RNF38: variants seen among roughly 807,000 people sequenced by gnomAD.
The protein encoded by RNF38 is ring finger protein 38.
Under a neutral mutation model 67.2 loss-of-function variants are expected in RNF38, and 15 were observed. The observed-to-expected ratio is 0.22, with a 90% CI of 0.15 to 0.34. The LOEUF is 0.34. Ranked by LOEUF, RNF38 falls within the 10% of genes least tolerant of loss-of-function variation. The probability of loss-of-function intolerance (pLI) is 1.00; values close to 1 mark genes in which losing one functional copy is unlikely to be tolerated. For missense variants in RNF38, 524 were observed against 639.9 expected, an observed-to-expected ratio of 0.82 and a Z score of 1.95; for synonymous variants, 220 against 218.8, an observed-to-expected ratio of 1.01 and a Z score of -0.05.
intron 1 of RNF38, among the ~76,000 whole-genome samples, chr9:36,395,326 CCTTT>C (rs1837434079): frequency 1.3e-5 from 2 of 151,818 alleles, no homozygotes; most frequent in Non-Finnish European, 2.9e-5. Context: ...TCGTTCATTT[CCTTT>C]TTTTTTTTTC....
At chr9:36,449,210 A>G (rs1308331684) in intron 1 of RNF38, among the ~76,000 whole-genome samples, 3 of 152,170 alleles carry the variant, frequency 2.0e-5, no homozygotes, top group Non-Finnish European at 2.9e-5. Context: ...AGGCAGGAGG[A>G]TATCAAGGCA....
chr9:36,400,831 GC>G, upstream of RNF38: 6 of 970,266 alleles, frequency 6.2e-6, no homozygotes, highest in Non-Finnish European at 7.3e-6. Context: ...CCGCCCCCAC[GC>G]CCCAACCGAC....
chr9:36,407,834 C>G (rs752365969), intron 2 of RNF38, among the ~76,000 whole-genome samples: 1 of 152,162 alleles, frequency 6.6e-6, no homozygotes, highest in African/African-American at 2.4e-5. Flanking sequence ...ACATACAGAT[C>G]TAGGTTATTC....
In RNF38 at chr9:36,369,721, G is replaced by T; in HGVS notation, c.568C>A (p.Gln190Lys). 6.2e-7 allele frequency: 1 copy of T among 1,606,214 alleles called. No homozygotes were observed. Among genetic ancestry groups the T allele is most frequent in the Non-Finnish European group, 8.5e-7 (1 of 1,175,214 alleles). The change falls in exon 4 of 12, where the codon CAG (glutamine) becomes AAG (lysine). Residue 190 changes from glutamine (Q) to lysine (K), a missense_variant and splice_region_variant. Around this residue, in one of 2 missense-constraint regions of RNF38, gnomAD observed 461 missense variants for 517.4 expected, o/e 0.89. Coordinates refer to ENST00000259605, the MANE Select transcript of RNF38 (RefSeq NM_022781.5). ...TCCAAGACATTCTGTTATTGTACCT[G>T]ATCATGTATGTCAACCATGACTGCA... ...QNAVMVDIHD[Q>K]LHQGTVPVSY...
intron 1 of RNF38, among the ~76,000 whole-genome samples, chr9:36,468,241 TA>T (rs201229836): frequency 2.5e-3 from 328 of 132,574 alleles, no homozygotes; most frequent in Admixed American, 3.7e-3. Flanking sequence ...TGTTCTGTCT[TA>T]AAAAAAAAAA....
chr9:36,395,362 GAT>G (rs1837439138), intron 1 of RNF38, among the ~76,000 whole-genome samples: 1 of 151,690 alleles, frequency 6.6e-6, no homozygotes, highest in African/African-American at 2.4e-5. Context: ...TGAGAGAGAG[GAT>G]ACAGGTACAT....
intron 2 of RNF38, among the ~76,000 whole-genome samples, chr9:36,410,130 G>A (rs904664867): frequency 2.6e-5 from 4 of 152,132 alleles, no homozygotes; most frequent in African/African-American, 9.7e-5. Flanking sequence ...AAAGCAAAGT[G>A]AGAATCTACT....
intron 2 of RNF38, among the ~76,000 whole-genome samples, chr9:36,381,698 C>T (rs965283102): frequency 6.6e-6 from 1 of 152,202 alleles, no homozygotes; most frequent in African/African-American, 2.4e-5. Flanking sequence ...CACCTAAAAT[C>T]TTTAAGTCCT....
chr9:36,419,684 G>A (rs1247034208), intron 2 of RNF38, among the ~76,000 whole-genome samples: 1 of 152,172 alleles, frequency 6.6e-6, no homozygotes, highest in Non-Finnish European at 1.5e-5. Context: ...CATGACTACA[G>A]GTGGCACGGC....
intron 6 of RNF38, among the ~76,000 whole-genome samples, chr9:36,354,931 C>G (rs1467672823): frequency 6.6e-6 from 1 of 152,162 alleles, no homozygotes; most frequent in Admixed American, 6.5e-5. Context: ...CTAGTGAAAA[C>G]AAAGTCTTGA....
intron 1 of RNF38, among the ~76,000 whole-genome samples, chr9:36,392,051 C>G (rs968771873): frequency 6.6e-6 from 1 of 152,202 alleles, no homozygotes; most frequent in African/African-American, 2.4e-5. Flanking sequence ...AGTCAGGAAA[C>G]TGCAAAACGT....
At chr9:36,340,362 T>A (rs1185424434) in intron 11 of RNF38, among the ~76,000 whole-genome samples, 1 of 151,636 alleles carries the variant, frequency 6.6e-6, no homozygotes, top group African/African-American at 2.4e-5. Flanking sequence ...ACAACTGACA[T>A]TAAAGTAAAA....
At chr9:36,410,451 C>G (rs1263166633) in intron 2 of RNF38, among the ~76,000 whole-genome samples, 2 of 152,072 alleles carry the variant, frequency 1.3e-5, no homozygotes, top group African/African-American at 4.8e-5. Context: ...CTCAGCCTCC[C>G]GTGCAGCTGG....
At chr9:36,462,800 G>A (rs925536739) in intron 1 of RNF38, among the ~76,000 whole-genome samples, 3 of 151,250 alleles carry the variant, frequency 2.0e-5, no homozygotes, top group South Asian at 2.1e-4. Flanking sequence ...TCAGCCTCCC[G>A]AGTAGCTAGG....
At chr9:36,460,738 T>C (rs1324477205) in intron 1 of RNF38, among the ~76,000 whole-genome samples, 1 of 150,748 alleles carries the variant, frequency 6.6e-6, no homozygotes, top group Admixed American at 6.6e-5. Context: ...AAATACAAAA[T>C]TAGCCAGGCG....
At chr9:36,378,170 T>A (rs886438020) in intron 2 of RNF38, among the ~76,000 whole-genome samples, 3 of 94,236 alleles carry the variant, frequency 3.2e-5, no homozygotes, top group African/African-American at 1.4e-4. Context: ...TAACACTGAC[T>A]TTTTTTTTTT....
chr9:36,397,025 G>A (rs113793242), intron 1 of RNF38, among the ~76,000 whole-genome samples: 97 of 112,644 alleles, frequency 8.6e-4, no homozygotes, highest in African/African-American at 2.3e-3. Context: ...GTGTGTGTGT[G>A]TATATACGTA....
intron 1 of RNF38, among the ~76,000 whole-genome samples, chr9:36,467,814 G>A (rs567670519): frequency 5.3e-5 from 8 of 152,158 alleles, no homozygotes; most frequent in African/African-American, 1.2e-4. Flanking sequence ...CATCAGTCAG[G>A]TCCCAAAAGT....
Position 36,339,763 on chromosome 9 carries a change from C to T in RNF38, c.1537G>A (p.Asp513Asn). 4 of 1,613,112 alleles carry T rather than the reference C, an allele frequency of 2.5e-6. No homozygotes were observed. The highest frequency in any genetic ancestry group is 3.4e-6 in the Non-Finnish European group (4 of 1,179,370). Residue 513 changes from aspartate to asparagine, a missense_variant, in exon 12 of 12, where the codon GAT (aspartate) becomes AAT (asparagine). Physicochemically the swap from Asp to Asn is conservative, Grantham distance 23 (BLOSUM62 1). Around this residue, in one of 2 missense-constraint regions of RNF38, gnomAD observed 63 missense variants for 122.5 expected, o/e 0.51. Coordinates refer to ENST00000259605, the MANE Select transcript of RNF38 (RefSeq NM_022781.5). Reference sequence around the variant, plus strand: ...GCTTCTTAGGTTGGTCATTCTGAATCCCGATGCACTTCTGAAGCATCAGCT... The same window carrying T: ...GCTTCTTAGGTTGGTCATTCTGAATTCCGATGCACTTCTGAAGCATCAGCT... ...CRADASEVHR[D>N]SE
Sources: gnomAD v4.1 joint callset for allele counts (sites outside exome capture counted in the v4.1 genomes callset) on GRCh38, gnomAD v4.1.1 for gene constraint, gnomAD v4.1.1 regional missense constraint, MANE v1.5 for transcripts, NCBI Gene and HGNC (gene_info 2026-07-23, HGNC 2026-07-21) for gene names.